C1QTNF7: variants seen among roughly 807,000 people sequenced by gnomAD.
The protein encoded by C1QTNF7 is C1q and TNF related 7.
A neutral mutation model predicts 19.6 loss-of-function variants in C1QTNF7; 15 were observed. The observed-to-expected ratio is 0.76, with a 90% CI of 0.51 to 1.18. The LOEUF is 1.18. C1QTNF7 is among the 50% of genes most tolerant of loss of function. The pLI, the probability that C1QTNF7 is intolerant of heterozygous loss-of-function variation, is 0.00. For missense variants in C1QTNF7, 324 were observed against 359.7 expected, an observed-to-expected ratio of 0.90 and a Z score of 0.80; for synonymous variants, 142 against 137.5, an observed-to-expected ratio of 1.03 and a Z score of -0.23.
chr4:15,390,003 C>T (rs1284354349), intron 1 of C1QTNF7, among the ~76,000 whole-genome samples: 1 of 152,248 alleles, frequency 6.6e-6, no homozygotes, highest in East Asian at 1.9e-4. Context: ...TATGGACTCT[C>T]TTCTACTCCC....
chr4:15,357,486 A>G lies in C1QTNF7; in HGVS notation c.13+17279A>G, dbSNP rs538863391. Among the ~76,000 whole-genome samples the G allele has an allele frequency of 2.6e-5, 4 of 152,310 alleles. No individual in the cohort carries two copies. The East Asian group carries it at 7.7e-4, about 29-fold the overall frequency. The stretch of plus-strand genomic sequence containing the variant: ...TGTTACCATGCTGTTTTGTTACTGC[A>G]GCCTTGTAGTATAGTTTGAAGTCAG... On this transcript the variant is annotated intron_variant, in intron 1 of 2. Transcript: ENST00000295297.
rs752111335 is a variant in C1QTNF7, at chr4:15,442,282, T to C, written c.353T>C (p.Ile118Thr). ...GGAGAGAAAGGAGAAGTAGGTCCAA[T>C]TGGTCCTCCTGGACCAAAGGGAGAC... ...PEGEKGEVGPIGPPGPKGDRG... is the reference protein window; with the variant it reads ...PEGEKGEVGPTGPPGPKGDRG... The change falls in exon 3 of 3, where the codon ATT becomes ACT. Residue 118 changes from isoleucine to threonine, a missense_variant. Transcript: ENST00000444304. 1.7e-5 allele frequency: 27 copies of C among 1,613,912 alleles called. No individual in the cohort carries two copies. Among genetic ancestry groups the C allele is most frequent in the South Asian group, 2.2e-5 (2 of 91,074 alleles).
chr4:15,363,593 C>T (rs1372688794), intron 1 of C1QTNF7, among the ~76,000 whole-genome samples: 1 of 152,162 alleles, frequency 6.6e-6, no homozygotes, highest in Non-Finnish European at 1.5e-5. Flanking sequence ...ATTGTCCCAA[C>T]TCGGTGGGTC....
chr4:15,423,817 C>T (rs1326642026), upstream of C1QTNF7, among the ~76,000 whole-genome samples: 3 of 152,066 alleles, frequency 2.0e-5, no homozygotes, highest in Non-Finnish European at 4.4e-5. Context: ...TTCATGCCTA[C>T]CGTTTCCCCC....
chr4:15,373,987 A>C (rs1397035404), intron 1 of C1QTNF7: 1 of 152,204 alleles, frequency 6.6e-6, no homozygotes, highest in Non-Finnish European at 1.5e-5. Context: ...ATGACCAAGC[A>C]AGGGTTACTA....
At chr4:15,362,974 T>C in intron 1 of C1QTNF7, among the ~76,000 whole-genome samples, 1 of 152,200 alleles carries the variant, frequency 6.6e-6, no homozygotes, top group East Asian at 1.9e-4. Context: ...ATAAAAAGAC[T>C]GGCCCAAATT....
upstream of C1QTNF7, among the ~76,000 whole-genome samples, chr4:15,424,049 A>G (rs757846957): frequency 1.3e-5 from 2 of 152,200 alleles, no homozygotes; most frequent in Non-Finnish European, 2.9e-5. Context: ...CATTTGTTCT[A>G]GCCAAATTCT....
intron 1 of C1QTNF7, among the ~76,000 whole-genome samples, chr4:15,350,318 A>G (rs371157424): frequency 0.23 from 3,285 of 14,106 alleles, 733 homozygotes; most frequent in African/African-American, 0.35. Flanking sequence ...AAGGGAGGGA[A>G]GGAAGGAGGA....
chr4:15,398,934 C>G (rs903259840), intron 1 of C1QTNF7, among the ~76,000 whole-genome samples: 4 of 152,168 alleles, frequency 2.6e-5, no homozygotes, highest in African/African-American at 9.7e-5. Context: ...TGCCTCTCCC[C>G]TGATTCTTCC....
At chr4:15,366,119 G>C (rs1717508685) in intron 1 of C1QTNF7, among the ~76,000 whole-genome samples, 1 of 152,180 alleles carries the variant, frequency 6.6e-6, no homozygotes, top group Admixed American at 6.6e-5. Flanking sequence ...ATCCTCAAAG[G>C]ATGTAAGAGA....
intron 1 of C1QTNF7, among the ~76,000 whole-genome samples, chr4:15,387,513 G>A (rs1224603364): frequency 6.6e-6 from 1 of 152,194 alleles, no homozygotes; most frequent in Admixed American, 6.5e-5. Flanking sequence ...TGAGGAGTCT[G>A]AGGGGCAAGA....
At chr4:15,424,152 A>T (rs1029732463), upstream of C1QTNF7, among the ~76,000 whole-genome samples, 1 of 152,128 alleles carries the variant, frequency 6.6e-6, no homozygotes, top group African/African-American at 2.4e-5. Flanking sequence ...TTTATTAGTC[A>T]ATTGTGACTC....
Position 15,444,872 on chromosome 4 carries a change from C to G in C1QTNF7, c.*2073C>G, listed in dbSNP as rs533005006. The G allele has an allele frequency of 6.6e-5, 10 of 152,236 alleles. No individual in the cohort carries two copies. The East Asian group carries it at 1.9e-3, about 29-fold the overall frequency. The allele number at this position is 152,236 out of a possible 1,614,324, so 9.4% of individuals were successfully genotyped here. A position where few individuals can be genotyped will look rare whatever the true frequency, so the allele number is the denominator to read the frequency against. ...AGACCCAGAAGGAGAATCAATGGAC[C>G]ATATTTGTAAGAGCTTTGAAAGCCA... On this transcript the variant is annotated 3_prime_UTR_variant, in exon 3 of 3. Coordinates refer to ENST00000444304, the MANE Select transcript of C1QTNF7 (RefSeq NM_031911.5).
At chr4:15,377,040 C>T (rs1270509729) in intron 1 of C1QTNF7, among the ~76,000 whole-genome samples, 1 of 152,218 alleles carries the variant, frequency 6.6e-6, no homozygotes, top group Non-Finnish European at 1.5e-5. Flanking sequence ...CAATTAAGCC[C>T]TCACTCTGTG....
At chr4:15,352,889 G>T (rs1429350298) in intron 1 of C1QTNF7, among the ~76,000 whole-genome samples, 2 of 152,044 alleles carry the variant, frequency 1.3e-5, no homozygotes, top group Non-Finnish European at 2.9e-5. Flanking sequence ...CTACATCCTT[G>T]ATTACTCCTA....
At chr4:15,376,036 C>A (rs2108887063) in intron 1 of C1QTNF7, among the ~76,000 whole-genome samples, 1 of 152,346 alleles carries the variant, frequency 6.6e-6, no homozygotes, top group Middle Eastern at 3.4e-3. Context: ...TCAAGCAACT[C>A]ATCTATACTT....
At chr4:15,370,542 A>G (rs934187779) in intron 1 of C1QTNF7, among the ~76,000 whole-genome samples, 4 of 152,164 alleles carry the variant, frequency 2.6e-5, no homozygotes, top group African/African-American at 9.7e-5. Context: ...AGAGAGAGAG[A>G]GTGGAAAGGG....
intron 1 of C1QTNF7, among the ~76,000 whole-genome samples, chr4:15,416,371 T>C (rs1719607190): frequency 6.6e-6 from 1 of 152,224 alleles, no homozygotes; most frequent in Non-Finnish European, 1.5e-5. Flanking sequence ...AGGGTTGGAA[T>C]ACCAGCTCGG....
chr4:15,384,810 G>C (rs1718271608), intron 1 of C1QTNF7, among the ~76,000 whole-genome samples: 1 of 152,146 alleles, frequency 6.6e-6, no homozygotes, highest in Non-Finnish European at 1.5e-5. Context: ...GTTGGTTTGG[G>C]GAGGCAGCTG....
Sources: allele counts gnomAD v4.1 joint callset (sites outside exome capture counted in the v4.1 genomes callset), GRCh38; gene constraint gnomAD v4.1.1; transcripts MANE v1.5; gene names NCBI Gene and HGNC (gene_info 2026-07-23, HGNC 2026-07-21).